The following COL10A1 variants were observed in gnomAD, a reference collection of about 807,000 sequenced individuals.
COL10A1 encodes collagen alpha-1(X) chain.
Under a neutral mutation model 18.2 loss-of-function variants are expected in COL10A1, and 10 were observed. The observed-to-expected ratio is 0.55, with a 90% CI of 0.34 to 0.93. The LOEUF (loss-of-function observed/expected upper bound fraction) is 0.93. COL10A1 is among the 40% of genes least tolerant of loss of function. The probability of loss-of-function intolerance (pLI) is 0.02; values close to 1 mark genes in which losing one functional copy is unlikely to be tolerated. For missense variants in COL10A1, 897 were observed against 853.5 expected (o/e 1.05, Z -0.64); for synonymous variants, 330 against 316.6 (o/e 1.04, Z -0.45).
At chr6:116,177,620 T>C in the COL10A1 span, among the ~76,000 whole-genome samples, 1 of 152,212 alleles carries the variant, frequency 6.6e-6, no homozygotes, top group Non-Finnish European at 1.5e-5. Context: ...TGTTTTCCAG[T>C]GCTCTTATAC....
chr6:116,152,859 T>C (rs1282948090), intron 1 of COL10A1, among the ~76,000 whole-genome samples: 1 of 152,140 alleles, frequency 6.6e-6, no homozygotes, highest in African/African-American at 2.4e-5. Flanking sequence ...TATAGTTATA[T>C]TGCCTCTGAG....
chr6:116,196,436 T>C, the COL10A1 span, among the ~76,000 whole-genome samples: 2 of 152,038 alleles, frequency 1.3e-5, no homozygotes, highest in Non-Finnish European at 2.9e-5. Context: ...TCTAAATTTT[T>C]CCCCAAACTA....
chr6:116,119,868 A>G lies in COL10A1; in HGVS notation c.*205T>C, dbSNP rs894737807. 7 of 579,200 alleles carry G rather than the reference A, an allele frequency of 1.2e-5. No individual in the cohort carries two copies. The highest frequency in any genetic ancestry group is 2.1e-5 in the Non-Finnish European group (7 of 328,488). 35.9% of individuals were successfully genotyped at this position (579,200 alleles called of 1,614,324 possible). ...TTAAAGAGCCTTAAGATTGCTAACT[A>G]GAAATTCAAGAGAGGCTTCACATAC... On this transcript the variant is annotated 3_prime_UTR_variant, in exon 3 of 3. Transcript: ENST00000651968.
chr6:116,165,941 A>T, the COL10A1 span, among the ~76,000 whole-genome samples: 1 of 152,178 alleles, frequency 6.6e-6, no homozygotes, highest in Non-Finnish European at 1.5e-5. Flanking sequence ...CTGTCCTCTC[A>T]GCTCAGGCTT....
chr6:116,168,392 G>A, the COL10A1 span, among the ~76,000 whole-genome samples: 2 of 151,748 alleles, frequency 1.3e-5, no homozygotes, highest in South Asian at 2.1e-4. Context: ...TATCCATTGA[G>A]CTTTTAATTT....
At chr6:116,131,330 T>A (rs999546290) in intron 1 of COL10A1, among the ~76,000 whole-genome samples, 2 of 152,220 alleles carry the variant, frequency 1.3e-5, no homozygotes, top group Non-Finnish European at 2.9e-5. Context: ...ACCCTGTGTT[T>A]CACCTTCCTT....
At chr6:116,130,060 A>ATT (rs1779423356), upstream of COL10A1, among the ~76,000 whole-genome samples, 1 of 152,158 alleles carries the variant, frequency 6.6e-6, no homozygotes, top group Non-Finnish European at 1.5e-5. Context: ...AATTGCCTAC[A>ATT]GTCAATATTT....
At chr6:116,122,195 C>G (rs560860103) in intron 2 of COL10A1, among the ~76,000 whole-genome samples, 3 of 152,244 alleles carry the variant, frequency 2.0e-5, no homozygotes, top group Admixed American at 1.3e-4. Context: ...TATCCCATGA[C>G]AGTGATTCAT....
At chr6:116,190,800 A>C in the COL10A1 span, among the ~76,000 whole-genome samples, 1 of 152,028 alleles carries the variant, frequency 6.6e-6, no homozygotes, top group African/African-American at 2.4e-5. Context: ...GGCAAGTGAC[A>C]GGTCTGCTGG....
the COL10A1 span, among the ~76,000 whole-genome samples, chr6:116,210,439 C>T: frequency 6.6e-6 from 1 of 151,776 alleles, no homozygotes; most frequent in East Asian, 1.9e-4. Flanking sequence ...TGTAACTGGG[C>T]AGTATTGCAC....
the COL10A1 span, among the ~76,000 whole-genome samples, chr6:116,184,764 G>C: frequency 2.0e-5 from 3 of 151,766 alleles, no homozygotes; most frequent in Non-Finnish European, 4.4e-5. Flanking sequence ...AGCTTATTTG[G>C]TTCTTCTCTC....
At chr6:116,167,987 G>A in the COL10A1 span, among the ~76,000 whole-genome samples, 1 of 151,492 alleles carries the variant, frequency 6.6e-6, no homozygotes, top group Non-Finnish European at 1.5e-5. Context: ...TCAGTTATCA[G>A]TATAATTGTT....
At chr6:116,172,414 C>T in the COL10A1 span, among the ~76,000 whole-genome samples, 3 of 151,072 alleles carry the variant, frequency 2.0e-5, no homozygotes, top group Non-Finnish European at 2.9e-5. Context: ...CTCTACCTCC[C>T]GGGTTCAGGC....
At chr6:116,170,320 C>G in the COL10A1 span, among the ~76,000 whole-genome samples, 6 of 151,452 alleles carry the variant, frequency 4.0e-5, no homozygotes, top group African/African-American at 1.5e-4. Flanking sequence ...TTTTTTAATT[C>G]AAAAGAAAGG....
At chr6:116,154,728 A>T (rs1780140242) in intron 1 of COL10A1, among the ~76,000 whole-genome samples, 1 of 152,174 alleles carries the variant, frequency 6.6e-6, no homozygotes, top group Non-Finnish European at 1.5e-5. Context: ...ATAATTTCTC[A>T]TTCATTCTAT....
At chr6:116,139,777 T>C (rs1481177441) in intron 1 of COL10A1, among the ~76,000 whole-genome samples, 1 of 152,180 alleles carries the variant, frequency 6.6e-6, no homozygotes, top group East Asian at 1.9e-4. Context: ...AAAGGCATTA[T>C]AAATATTAAT....
chr6:116,215,129 G>A, the COL10A1 span, among the ~76,000 whole-genome samples: 1 of 152,100 alleles, frequency 6.6e-6, no homozygotes, highest in Non-Finnish European at 1.5e-5. Flanking sequence ...ACATTGTACT[G>A]ATATTAATGT....
At chr6:116,145,633 C>T (rs999839951) in intron 1 of COL10A1, 1 of 160,674 alleles carries the variant, frequency 6.2e-6, no homozygotes, top group Non-Finnish European at 1.4e-5. Flanking sequence ...ATAATCTACT[C>T]TTAACATTTT....
intron 1 of COL10A1, among the ~76,000 whole-genome samples, chr6:116,143,825 CTG>C (rs966032343): frequency 2.0e-5 from 3 of 152,058 alleles, no homozygotes; most frequent in African/African-American, 7.2e-5. Context: ...AAAATTAGGA[CTG>C]TCATTTATTG....
Sources: allele counts gnomAD v4.1 joint callset (sites outside exome capture counted in the v4.1 genomes callset), GRCh38; gene constraint gnomAD v4.1.1; transcripts MANE v1.5; gene names NCBI Gene and HGNC (gene_info 2026-07-23, HGNC 2026-07-21).